The following TMEM232 variants were observed in gnomAD, a reference collection of about 807,000 sequenced individuals.
The protein encoded by TMEM232 is transmembrane protein 232.
A neutral mutation model predicts 78.8 loss-of-function variants in TMEM232; 80 were observed. The observed-to-expected ratio is 1.01, with a 90% CI of 0.85 to 1.22. The LOEUF (loss-of-function observed/expected upper bound fraction) is 1.22, where lower values mean the gene tolerates loss of function less well. TMEM232 is among the 50% of genes most tolerant of loss of function. TMEM232 has a pLI of 0.00. For missense variants in TMEM232, 881 were observed against 742.2 expected (o/e 1.19, Z -2.17); for synonymous variants, 297 against 254.3 (o/e 1.17, Z -1.60).
At chr5:110,495,949 A>G (rs1364567766) in intron 12 of TMEM232, among the ~76,000 whole-genome samples, 4 of 151,744 alleles carry the variant, frequency 2.6e-5, no homozygotes, top group Non-Finnish European at 5.9e-5. Flanking sequence ...AGAAATAATA[A>G]AACAAAATAA....
intron 1 of TMEM232, among the ~76,000 whole-genome samples, chr5:110,708,968 A>G (rs1213800946): frequency 6.6e-6 from 1 of 152,112 alleles, no homozygotes; most frequent in Non-Finnish European, 1.5e-5. Flanking sequence ...AGACCTAATG[A>G]TCTCTCCTTT....
chr5:110,648,743 T>C (rs1472566821), intron 2 of TMEM232, among the ~76,000 whole-genome samples: 1 of 152,078 alleles, frequency 6.6e-6, no homozygotes, highest in East Asian at 1.9e-4. Flanking sequence ...GAATAAACTA[T>C]AAATACCTTA....
At chr5:110,472,770 T>C (rs1762820864) in intron 12 of TMEM232, among the ~76,000 whole-genome samples, 1 of 151,858 alleles carries the variant, frequency 6.6e-6, no homozygotes, top group South Asian at 2.1e-4. Context: ...AATAAACCCA[T>C]AGCTCTTAAG....
chr5:110,702,498 G>A (rs1177482920), intron 1 of TMEM232, among the ~76,000 whole-genome samples: 2 of 151,938 alleles, frequency 1.3e-5, no homozygotes, highest in Non-Finnish European at 2.9e-5. Context: ...GCATTTTTCT[G>A]TTAGCAGACT....
At chr5:110,737,215 G>T (rs2150395740) in intron 1 of TMEM232, among the ~76,000 whole-genome samples, 1 of 152,032 alleles carries the variant, frequency 6.6e-6, no homozygotes, top group South Asian at 2.1e-4. Context: ...CACGAGATAG[G>T]TGCTTAATAA....
At chr5:110,454,040 A>G (rs1288687560) in intron 12 of TMEM232, among the ~76,000 whole-genome samples, 1 of 152,214 alleles carries the variant, frequency 6.6e-6, no homozygotes, top group Admixed American at 6.5e-5. Context: ...GAATAAAGAA[A>G]TAGACAAATC....
chr5:110,472,706 G>C (rs970774299), intron 12 of TMEM232, among the ~76,000 whole-genome samples: 1 of 151,944 alleles, frequency 6.6e-6, no homozygotes, highest in Non-Finnish European at 1.5e-5. Flanking sequence ...AAAAAGCATG[G>C]TGTTGACATA....
chr5:110,514,070 G>C (rs772521904), intron 12 of TMEM232, among the ~76,000 whole-genome samples: 2 of 152,030 alleles, frequency 1.3e-5, no homozygotes, highest in African/African-American at 4.8e-5. Context: ...TCAATAAATA[G>C]AAGCCCATCT....
chr5:110,549,424 G>A (rs1774182683), intron 11 of TMEM232, among the ~76,000 whole-genome samples: 1 of 151,748 alleles, frequency 6.6e-6, no homozygotes, highest in Non-Finnish European at 1.5e-5. Context: ...AGACCAGCCT[G>A]GGCAATACAG....
intron 12 of TMEM232, among the ~76,000 whole-genome samples, chr5:110,449,483 A>G (rs766595385): frequency 1.3e-5 from 2 of 151,930 alleles, no homozygotes; most frequent in African/African-American, 4.8e-5. Context: ...CAGCTGTCCA[A>G]TCATCCCTTT....
chr5:110,717,085 G>A (rs1261555884), intron 1 of TMEM232, among the ~76,000 whole-genome samples: 1 of 152,000 alleles, frequency 6.6e-6, no homozygotes. Flanking sequence ...ATCTGGACTA[G>A]AACAAAAACT....
At chr5:110,440,253 T>C (rs1580690000) in intron 12 of TMEM232, among the ~76,000 whole-genome samples, 1 of 152,162 alleles carries the variant, frequency 6.6e-6, no homozygotes, top group East Asian at 1.9e-4. Context: ...AATATGTTGC[T>C]TAAGTGTCTT....
chr5:110,403,499 CAG>C (rs1755679891), intron 2 of TMEM232, among the ~76,000 whole-genome samples: 1 of 151,934 alleles, frequency 6.6e-6, no homozygotes, highest in African/African-American at 2.4e-5. Context: ...GATTGTTTGT[CAG>C]AGAGTTGCCA....
intron 12 of TMEM232, among the ~76,000 whole-genome samples, chr5:110,495,886 AAAAG>A (rs1468372213): frequency 6.6e-6 from 1 of 151,762 alleles, no homozygotes; most frequent in Non-Finnish European, 1.5e-5. Flanking sequence ...CATTAAATAA[AAAAG>A]AAATGTTCAC....
intron 10 of TMEM232, among the ~76,000 whole-genome samples, chr5:110,603,524 A>G (rs1372028787): frequency 6.6e-6 from 1 of 152,140 alleles, no homozygotes; most frequent in Non-Finnish European, 1.5e-5. Flanking sequence ...ATAGCCAGAC[A>G]AGAATTGAAG....
intron 2 of TMEM232, among the ~76,000 whole-genome samples, chr5:110,656,799 C>G (rs1241486011): frequency 6.6e-6 from 1 of 151,040 alleles, no homozygotes; most frequent in Non-Finnish European, 1.5e-5. Context: ...CACTGCACCA[C>G]TGCACTCCAG....
intron 12 of TMEM232, among the ~76,000 whole-genome samples, chr5:110,523,546 C>G (rs977890014): frequency 8.6e-5 from 13 of 151,964 alleles, no homozygotes; most frequent in Non-Finnish European, 1.5e-5. Context: ...TGCTTTTGCT[C>G]CATCCATAAG....
intron 1 of TMEM232, among the ~76,000 whole-genome samples, chr5:110,722,504 T>G (rs1023511936): frequency 6.6e-6 from 1 of 152,170 alleles, no homozygotes; most frequent in African/African-American, 2.4e-5. Flanking sequence ...AAACACTGGC[T>G]GTTGTAGCAG....
chr5:110,673,509 C>T (rs1791630620), intron 1 of TMEM232, among the ~76,000 whole-genome samples: 2 of 151,810 alleles, frequency 1.3e-5, no homozygotes, highest in Non-Finnish European at 2.9e-5. Context: ...CACGTAAGGT[C>T]GATTGGAAAA....
Sources: allele counts gnomAD v4.1 joint callset (sites outside exome capture counted in the v4.1 genomes callset), GRCh38; gene constraint gnomAD v4.1.1; transcripts MANE v1.5; gene names NCBI Gene and HGNC (gene_info 2026-07-23, HGNC 2026-07-21).